The following SLC7A10 variants were observed in gnomAD, a reference collection of about 807,000 sequenced individuals.
SLC7A10 encodes the protein asc-type amino acid transporter 1.
Under a neutral mutation model 52.7 loss-of-function variants are expected in SLC7A10, and 30 were observed. The ratio of observed to expected loss-of-function variants is 0.57; its 90% CI spans 0.43 to 0.77. The LOEUF (loss-of-function observed/expected upper bound fraction) is 0.77. Ranked by LOEUF, SLC7A10 falls within the 30% of genes least tolerant of loss-of-function variation. The probability of loss-of-function intolerance (pLI) is 0.00; values close to 1 mark genes in which losing one functional copy is unlikely to be tolerated. For synonymous variants in SLC7A10, 318 were observed against 314.9 expected, an observed-to-expected ratio of 1.01 and a Z score of -0.10; for missense variants, 581 against 698.5, an observed-to-expected ratio of 0.83 and a Z score of 1.90.
chr19:33,211,428 T>C lies in SLC7A10; in HGVS notation c.898A>G (p.Asn300Asp), dbSNP rs1415301112. ...GGCCCACTCACCACAGCCACCGCAT[T>C]GGAGGAGAGCAGCTCCTGGGGGGAC... ...AMSPQELLSSNAVAVTFGEKL... is the reference protein window; with the variant it reads ...AMSPQELLSSDAVAVTFGEKL... The change falls in exon 6 of 11, where the codon AAT becomes GAT. Residue 300 changes from asparagine to aspartate, a missense_variant. Transcript: ENST00000253188. 4.3e-6 allele frequency: 7 copies of C among 1,613,902 alleles called. No individual in the cohort carries two copies. The highest frequency in any genetic ancestry group is 5.1e-6 in the Non-Finnish European group (6 of 1,179,964).
intron 5 of SLC7A10, chr19:33,211,784 T>TC: frequency 3.3e-6 from 2 of 605,448 alleles, no homozygotes; most frequent in Non-Finnish European, 5.7e-6. Flanking sequence ...GAGGACAGGG[T>TC]CTGATGTCTG....
chr19:33,223,355 A>G (rs561331961), intron 1 of SLC7A10, among the ~76,000 whole-genome samples: 1 of 151,586 alleles, frequency 6.6e-6, no homozygotes, highest in Non-Finnish European at 1.5e-5. Context: ...AAAGGAAAGG[A>G]AGCAGGACGT....
intron 2 of SLC7A10, among the ~76,000 whole-genome samples, chr19:33,215,093 C>T (rs1479556955): frequency 6.6e-6 from 1 of 151,956 alleles, no homozygotes; most frequent in Non-Finnish European, 1.5e-5. Flanking sequence ...TGGTGAAACC[C>T]CGTCTCTACT....
intron 2 of SLC7A10, among the ~76,000 whole-genome samples, chr19:33,213,774 C>G (rs752508347): frequency 6.6e-6 from 1 of 152,178 alleles, no homozygotes; most frequent in East Asian, 1.9e-4. Context: ...CTAGACCTTA[C>G]CAAGAGCCCT....
intron 1 of SLC7A10, among the ~76,000 whole-genome samples, chr19:33,217,646 T>C (rs1201174644): frequency 1.3e-5 from 2 of 152,120 alleles, no homozygotes; most frequent in African/African-American, 4.8e-5. Flanking sequence ...CGGGTCCATC[T>C]CCCTCAGAGC....
In SLC7A10 at chr19:33,210,918, T is replaced by C. The variant is rs745967584; in HGVS notation, c.1017-20A>G. 19 of 1,608,534 alleles carry C rather than the reference T, an allele frequency of 1.2e-5. No individual in the cohort carries two copies. The South Asian group carries it at 1.2e-4, about 10-fold the overall frequency. ...CACAGCCTAGCGTTGGGGACAGATA[T>C]GGGCACTGGCCACATCCTGGGTCTC... On this transcript the variant is annotated intron_variant, in intron 7 of 10. Transcript: ENST00000253188. This position sits in a 1 kb window ranked among gnomAD's most constrained non-coding sequence, Gnocchi z 5.6.
At chr19:33,211,191 C>T (rs551103379) in intron 7 of SLC7A10, 34 bp downstream of exon 7, 4 of 1,597,980 alleles carry the variant, frequency 2.5e-6, no homozygotes, top group South Asian at 1.1e-5. Context: ...CCCAGCCTTC[C>T]CTCCCCATGC....
chr19:33,213,342 G>A (rs1328562416), intron 2 of SLC7A10, among the ~76,000 whole-genome samples: 1 of 151,224 alleles, frequency 6.6e-6, no homozygotes, highest in Non-Finnish European at 1.5e-5. Flanking sequence ...AGGCTGGAGT[G>A]CAGTGGCATG....
intron 1 of SLC7A10, among the ~76,000 whole-genome samples, chr19:33,218,429 T>G (rs1974735150): frequency 6.6e-6 from 1 of 152,090 alleles, no homozygotes; most frequent in Admixed American, 6.5e-5. Flanking sequence ...TTTCTCCCTC[T>G]GGGCCTAGAC....
chr19:33,211,228 G>C lies in SLC7A10; in HGVS notation c.1013C>G (p.Ser338Cys), dbSNP rs1362163499. ...CACGTCTCCCCAGTGCAGTCACCTGGAGTAGGTGAACAGGTAACCATTGAT... is the reference window on the plus strand; with the variant it reads ...CACGTCTCCCCAGTGCAGTCACCTGCAGTAGGTGAACAGGTAACCATTGAT... The part of the protein sequence containing the change: ...GGINGYLFTY[S>C]RLCFSGAREG... Residue 338 changes from serine (S) to cysteine (C), a missense_variant, in exon 7 of 11, where the codon TCC becomes TGC. By Grantham distance (112) the Ser-to-Cys change is moderately radical. Coordinates refer to ENST00000253188, the MANE Select transcript of SLC7A10 (RefSeq NM_019849.3). The C allele has an allele frequency of 6.2e-7, 1 of 1,612,184 alleles. No homozygotes were observed. The highest frequency in any genetic ancestry group is 8.5e-7 in the Non-Finnish European group (1 of 1,178,440).
chr19:33,218,793 C>T (rs1233863234), intron 1 of SLC7A10, among the ~76,000 whole-genome samples: 1 of 149,754 alleles, frequency 6.7e-6, no homozygotes, highest in African/African-American at 2.4e-5. Context: ...GCTGGGATTA[C>T]AGGCATGAGC....
chr19:33,218,686 T>TTTCTTTTCTTTTCTTTTC (rs1974747659), intron 1 of SLC7A10, among the ~76,000 whole-genome samples: 1 of 74,684 alleles, frequency 1.3e-5, no homozygotes, highest in African/African-American at 5.7e-5. Flanking sequence ...TCTTTCTTTT[T>TTTCTTTTCTTTTCTTTTC]TTTTTTTTTT....
At chr19:33,209,541 C>G in intron 9 of SLC7A10, 56 bp from the exon 10 acceptor site, 1 of 1,575,640 alleles carries the variant, frequency 6.3e-7, no homozygotes. Context: ...TGTCTGTACC[C>G]CCGACCCCTG....
rs1974512000 is a variant in SLC7A10, at chr19:33,210,211, G to C, written c.1263+256C>G. Among the ~76,000 whole-genome samples the C allele has an allele frequency of 6.6e-6, 1 of 152,122 alleles. No homozygotes were observed. Among genetic ancestry groups the C allele is most frequent in the African/African-American group, 2.4e-5 (1 of 41,434 alleles). On this transcript the variant is annotated intron_variant, in intron 9 of 10. Coordinates refer to ENST00000253188, the MANE Select transcript of SLC7A10 (RefSeq NM_019849.3). This position sits in a 1 kb window ranked among gnomAD's most constrained non-coding sequence, Gnocchi z 5.6. ...AATCCTCCCACCTCGGCCTCCCAAAGTGCTGGAATAGGCATGAGCCCCTGT... is the reference window on the plus strand; with the variant it reads ...AATCCTCCCACCTCGGCCTCCCAAACTGCTGGAATAGGCATGAGCCCCTGT...
chr19:33,219,584 CCA>C (rs1974770689), intron 1 of SLC7A10, among the ~76,000 whole-genome samples: 1 of 152,378 alleles, frequency 6.6e-6, no homozygotes, highest in Non-Finnish European at 1.5e-5. Flanking sequence ...CTTCCGAGCC[CCA>C]GTTTCCCCAT....
Position 33,210,564 on chromosome 19 carries a change from TTGA to T in SLC7A10, c.1163_1165del (p.Ile388del). On this transcript the variant is annotated inframe_deletion, in exon 9 of 11. Transcript: ENST00000253188. The surrounding 1 kb of genome is among the most constrained non-coding windows in gnomAD (Gnocchi z 5.6). ...GAGGTAGTTGATGAAGGACACATAG[TTGA>T]TGAGCGTGTACGTGTCGCCCACGAG... 1.9e-6 allele frequency: 3 copies of T among 1,612,172 alleles called. No homozygotes were observed. In the Middle Eastern group the frequency reaches 4.9e-4, roughly 266 times the overall value.
chr19:33,212,151 G>A, intron 5 of SLC7A10, 141 bp downstream of exon 5: 2 of 1,247,740 alleles, frequency 1.6e-6, no homozygotes, highest in Non-Finnish European at 2.3e-6. Flanking sequence ...TTTCTTCCCA[G>A]GGCCATTTTT....
chr19:33,213,846 A>G (rs1974612315), intron 2 of SLC7A10, among the ~76,000 whole-genome samples: 2 of 152,178 alleles, frequency 1.3e-5, no homozygotes, highest in South Asian at 4.1e-4. Context: ...CAGGGCACCC[A>G]GACTGTGAGT....
In SLC7A10 at chr19:33,212,848, TACTC is replaced by T. The variant is rs1236030249; in HGVS notation, c.507_508+2del. 3 of 1,613,346 alleles carry T rather than the reference TACTC, an allele frequency of 1.9e-6. No individual in the cohort carries two copies. Among genetic ancestry groups the T allele is most frequent in the African/African-American group, 1.3e-5 (1 of 74,876 alleles). ...GGGACAGTGGGCCAAAGGGGATGCTTACTCAGGCAGGCCATGGACAGCACCCGGG... is the reference window on the plus strand; with the variant it reads ...GGGACAGTGGGCCAAAGGGGATGCTTAGGCAGGCCATGGACAGCACCCGGG... On this transcript the variant is annotated splice_donor_variant and coding_sequence_variant, in exon 3 of 11. Transcript: ENST00000253188. LOFTEE classifies it high-confidence loss of function.
Sources: allele counts gnomAD v4.1 joint callset (sites outside exome capture counted in the v4.1 genomes callset), GRCh38; gene constraint gnomAD v4.1.1; non-coding constraint Gnocchi (gnomAD v3.1); transcripts MANE v1.5; gene names NCBI Gene and HGNC (gene_info 2026-07-23, HGNC 2026-07-21).